The following ADCK2 variants were observed in gnomAD, a reference collection of about 807,000 sequenced individuals.
The protein encoded by ADCK2 is uncharacterized aarF domain-containing protein kinase 2.
ADCK2 carries 37 observed loss-of-function variants against 52.3 expected under a neutral mutation model. That is an observed-to-expected ratio of 0.71 (90% CI 0.54 to 0.93). ADCK2 has a LOEUF of 0.93. Ranked by LOEUF, ADCK2 falls within the 40% of genes least tolerant of loss-of-function variation. The probability of loss-of-function intolerance (pLI) is 0.00; values close to 1 mark genes in which losing one functional copy is unlikely to be tolerated. For synonymous variants in ADCK2, 321 were observed against 349.2 expected, an observed-to-expected ratio of 0.92 and a Z score of 0.90; for missense variants, 695 against 798.7, an observed-to-expected ratio of 0.87 and a Z score of 1.56.
At position 140,694,645 on chromosome 7, in the gene ADCK2, T is replaced by A; in HGVS notation, c.1741-18T>A. ...ATCAGCATGTTCTGAGATGAACTGT[T>A]CTGTTTTTCTGTTCCAGGTAAAGCT... On this transcript the variant is annotated intron_variant, in intron 7 of 7. Coordinates refer to ENST00000072869, the MANE Select transcript of ADCK2 (RefSeq NM_052853.4). 1 of 1,611,858 alleles carries A rather than the reference T, an allele frequency of 6.2e-7. No individual in the cohort carries two copies. Among genetic ancestry groups the A allele is most frequent in the South Asian group, 1.1e-5 (1 of 90,810 alleles).
At chr7:140,679,118 A>C in intron 2 of ADCK2, 37 bp from the exon 3 acceptor site, 1 of 1,610,366 alleles carries the variant, frequency 6.2e-7, no homozygotes, top group Non-Finnish European at 8.5e-7. Context: ...GCCTGTACCC[A>C]GACTAGCCCT....
chr7:140,689,413 G>A (rs1419613753), intron 5 of ADCK2, among the ~76,000 whole-genome samples, 184 bp from the exon 6 acceptor site: 1 of 152,200 alleles, frequency 6.6e-6, no homozygotes, highest in Admixed American at 6.5e-5. Flanking sequence ...AGTGCAGCGG[G>A]GGTGGGGGCA....
chr7:140,690,831 G>C lies in ADCK2; in HGVS notation c.1740+18G>C. The C allele has an allele frequency of 2.5e-6, 4 of 1,612,808 alleles. No individual in the cohort carries two copies. The highest frequency in any genetic ancestry group is 3.4e-6 in the Non-Finnish European group (4 of 1,179,014). The stretch of plus-strand genomic sequence containing the variant: ...CTCACAAGGTGAGGGCCATTCAGAG[G>C]GGAGGTCTCTGGGGAAGGTGGGACG... On this transcript the variant is annotated intron_variant, in intron 7 of 7. Transcript: ENST00000072869.
intron 4 of ADCK2, among the ~76,000 whole-genome samples, chr7:140,684,055 G>T (rs1794563656): frequency 6.6e-6 from 1 of 152,188 alleles, no homozygotes; most frequent in Admixed American, 6.5e-5. Context: ...AGAGCTACTT[G>T]GAAAATGTGG....
At chr7:140,679,586 A>T (rs1450253076) in intron 3 of ADCK2, among the ~76,000 whole-genome samples, 5 of 151,640 alleles carry the variant, frequency 3.3e-5, no homozygotes, top group Non-Finnish European at 5.9e-5. Flanking sequence ...GGAGTTGGGC[A>T]CAGAGAAAGT....
chr7:140,684,521 G>A (rs1267010239), intron 4 of ADCK2, among the ~76,000 whole-genome samples: 2 of 152,136 alleles, frequency 1.3e-5, no homozygotes, highest in African/African-American at 2.4e-5. Context: ...GGGTCGAGGC[G>A]GATAGGGAAG....
At chr7:140,691,878 G>A (rs779302919) in intron 7 of ADCK2, among the ~76,000 whole-genome samples, 14 of 152,148 alleles carry the variant, frequency 9.2e-5, no homozygotes, top group Non-Finnish European at 1.8e-4. Context: ...TCCCGCCTCC[G>A]TGGCTCACTC....
rs1000388316 is a variant in ADCK2, at chr7:140,674,494, T to A, written c.934-117T>A. On this transcript the variant is annotated intron_variant, in intron 1 of 7. Transcript: ENST00000072869. The surrounding 1 kb of genome is among the most constrained non-coding windows in gnomAD (Gnocchi z 4.6). Reference sequence around the variant, plus strand: ...TAACTGCTTGGGTGTCGGGACCACATCCTCTTTTCTTTGATAAGAAGCCAC... The same window carrying A: ...TAACTGCTTGGGTGTCGGGACCACAACCTCTTTTCTTTGATAAGAAGCCAC... 2.0e-5 allele frequency: 27 copies of A among 1,325,156 alleles called. No homozygotes were observed. The African/African-American group carries it at 3.8e-4, about 19-fold the overall frequency. 82.1% of individuals were successfully genotyped at this position (1,325,156 alleles called of 1,614,324 possible). A position where few individuals can be genotyped will look rare whatever the true frequency, so the allele number is the denominator to read the frequency against.
intron 4 of ADCK2, among the ~76,000 whole-genome samples, chr7:140,682,652 C>T (rs1207693866): frequency 6.6e-6 from 1 of 151,906 alleles, no homozygotes; most frequent in Non-Finnish European, 1.5e-5. Flanking sequence ...TTAAATGATG[C>T]TTAGTGAATT....
At chr7:140,687,338 G>A (rs1263220510) in intron 5 of ADCK2, 97 bp downstream of exon 5, 2 of 1,439,984 alleles carry the variant, frequency 1.4e-6, no homozygotes, top group South Asian at 1.4e-5. Context: ...CCAGCACTTT[G>A]GAAGCCTGAG....
chr7:140,694,896 A>T lies in ADCK2; in HGVS notation c.*93A>T. 1 of 1,486,470 alleles carries T rather than the reference A, an allele frequency of 6.7e-7. No homozygotes were observed. The highest frequency in any genetic ancestry group is 8.9e-7 in the Non-Finnish European group (1 of 1,123,616). 92.1% of individuals were successfully genotyped at this position (1,486,470 alleles called of 1,614,324 possible). ...AGCTGGGACGTTTTAAAATTGGGACACCAATTTCAAATGTAACCCTCCAGT... is the reference window on the plus strand; with the variant it reads ...AGCTGGGACGTTTTAAAATTGGGACTCCAATTTCAAATGTAACCCTCCAGT... On this transcript the variant is annotated 3_prime_UTR_variant, in exon 8 of 8. Coordinates refer to ENST00000072869, the MANE Select transcript of ADCK2 (RefSeq NM_052853.4).
chr7:140,673,912 G>C lies in ADCK2; in HGVS notation c.582G>C (p.Trp194Cys). The C allele has an allele frequency of 6.2e-7, 1 of 1,613,990 alleles. No homozygotes were observed. Among genetic ancestry groups the C allele is most frequent in the Non-Finnish European group, 8.5e-7 (1 of 1,180,042 alleles). ...TTCGGCAGGCTTTTGGGGATGACTG[G>C]GGGAGCATCCTCTCTTTTGAGAACC... ...RFLRQAFGDDWGSILSFENRE... is the reference protein window; with the variant it reads ...RFLRQAFGDDCGSILSFENRE... Residue 194 changes from tryptophan to cysteine, a missense_variant, in exon 1 of 8, where the codon TGG becomes TGC. Coordinates refer to ENST00000072869, the MANE Select transcript of ADCK2 (RefSeq NM_052853.4). The surrounding 1 kb of genome is among the most constrained non-coding windows in gnomAD (Gnocchi z 6.4).
At position 140,673,981 on chromosome 7, in the gene ADCK2, A is replaced by G. The variant is rs375011868; in HGVS notation, c.651A>G (p.Ala217=). The part of the protein sequence containing the change: ...GSGCVAQVYK[A]YANTAFLETD... ...GCTGCGTGGCCCAGGTGTACAAAGC[A>G]TACGCCAACACTGCCTTCCTGGAGA... Residue 217 remains alanine, a synonymous_variant, in exon 1 of 8, where the codon GCA becomes GCG. Transcript: ENST00000072869. This position sits in a 1 kb window ranked among gnomAD's most constrained non-coding sequence, Gnocchi z 6.4. 4 of 1,614,078 alleles carry G rather than the reference A, an allele frequency of 2.5e-6. No individual in the cohort carries two copies. The highest frequency in any genetic ancestry group is 3.4e-6 in the Non-Finnish European group (4 of 1,180,040).
intron 5 of ADCK2, among the ~76,000 whole-genome samples, chr7:140,689,055 CCTCCCGGGTTCA>C (rs1192322617): frequency 5.9e-5 from 9 of 151,822 alleles, no homozygotes; most frequent in Admixed American, 5.9e-4. Context: ...GCAACCTCTA[CCTCCCGGGTTCA>C]AGTGATTCTC....
At chr7:140,688,006 G>A (rs1363410688) in intron 5 of ADCK2, among the ~76,000 whole-genome samples, 1 of 151,784 alleles carries the variant, frequency 6.6e-6, no homozygotes, top group Non-Finnish European at 1.5e-5. Flanking sequence ...GGCTGGGCAG[G>A]GGGTGAATCT....
intron 7 of ADCK2, 143 bp downstream of exon 7, chr7:140,690,956 C>G: frequency 5.1e-6 from 4 of 780,884 alleles, no homozygotes; most frequent in Non-Finnish European, 6.1e-6. Context: ...GACAGAGTCT[C>G]ACTCTGTCGC....
In ADCK2 at chr7:140,686,853, A is replaced by G. The variant is rs1386849286; in HGVS notation, c.1306-137A>G. On this transcript the variant is annotated intron_variant, in intron 4 of 7. Coordinates refer to ENST00000072869, the MANE Select transcript of ADCK2 (RefSeq NM_052853.4). ...ATTCTGAGTTGACATCTAAACAAGA[A>G]GGGTCTATAGGACATGCACCTCTTT... The G allele has an allele frequency of 8.2e-6, 9 of 1,093,386 alleles. No homozygotes were observed. The Middle Eastern group carries it at 7.9e-4, about 96-fold the overall frequency. 67.7% of individuals were successfully genotyped at this position (1,093,386 alleles called of 1,614,324 possible).
intron 7 of ADCK2, among the ~76,000 whole-genome samples, chr7:140,692,978 C>A (rs1794733854): frequency 6.6e-6 from 1 of 152,154 alleles, no homozygotes; most frequent in Admixed American, 6.6e-5. Context: ...CTCATCCTCA[C>A]CAACACTTGT....
intron 4 of ADCK2, among the ~76,000 whole-genome samples, chr7:140,686,528 A>G (rs1372299305): frequency 6.6e-6 from 1 of 152,012 alleles, no homozygotes; most frequent in Non-Finnish European, 1.5e-5. Context: ...TGATCCGCCC[A>G]CCTCAGCCTC....
Sources: gnomAD v4.1 joint callset for allele counts (sites outside exome capture counted in the v4.1 genomes callset) on GRCh38, gnomAD v4.1.1 for gene constraint, Gnocchi (gnomAD v3.1) non-coding constraint, MANE v1.5 for transcripts, NCBI Gene and HGNC (gene_info 2026-07-23, HGNC 2026-07-21) for gene names.